DPP10: variants seen among roughly 807,000 people sequenced by gnomAD.
DPP10 encodes inactive dipeptidyl peptidase 10.
Under a neutral mutation model 120.9 loss-of-function variants are expected in DPP10, and 33 were observed. That is an observed-to-expected ratio of 0.27 (90% CI 0.21 to 0.37). The LOEUF is 0.37. DPP10 is among the 10% of genes least tolerant of loss of function. The pLI is 1.00. For missense variants in DPP10, 816 were observed against 942.8 expected (o/e 0.87, Z 1.76); for synonymous variants, 337 against 326.1 (o/e 1.03, Z -0.36).
intron 3 of DPP10, among the ~76,000 whole-genome samples, chr2:115,426,613 A>G (rs866821801): frequency 3.4e-4 from 50 of 148,428 alleles, no homozygotes; most frequent in Middle Eastern, 3.3e-3. Flanking sequence ...ACATTTCAAC[A>G]TGAGATTCTC....
At chr2:114,881,594 GTCTGTCTATCTATCTATCTA>G (rs1157381539) in intron 1 of DPP10, among the ~76,000 whole-genome samples, 13 of 96,334 alleles carry the variant, frequency 1.3e-4, no homozygotes, top group Admixed American at 6.9e-4. Flanking sequence ...CTGTCTGTCT[GTCTGTCTATCTATCTATCTA>G]TCTATCTATC....
intron 1 of DPP10, among the ~76,000 whole-genome samples, chr2:114,540,594 CCA>C (rs1261222108): frequency 6.6e-6 from 1 of 152,156 alleles, no homozygotes; most frequent in Non-Finnish European, 1.5e-5. Context: ...TCAGATGGAG[CCA>C]CACTAAATAT....
At chr2:115,652,945 G>A (rs1260101083) in intron 5 of DPP10, among the ~76,000 whole-genome samples, 2 of 151,894 alleles carry the variant, frequency 1.3e-5, no homozygotes, top group Non-Finnish European at 2.9e-5. Context: ...AATTCATTAT[G>A]GCAATTTCAA....
intron 1 of DPP10, among the ~76,000 whole-genome samples, chr2:114,955,497 G>A (rs1214157318): frequency 6.6e-6 from 1 of 152,154 alleles, no homozygotes; most frequent in Non-Finnish European, 1.5e-5. Context: ...CAGCTTCACA[G>A]CCGAATTCTA....
intron 2 of DPP10, chr2:115,342,043 C>T (rs1017488015): frequency 2.4e-6 from 1 of 410,438 alleles, no homozygotes; most frequent in African/African-American, 2.1e-5. Context: ...AGTGACTGTA[C>T]CATTTTGCAT....
intron 1 of DPP10, among the ~76,000 whole-genome samples, chr2:115,278,814 C>G (rs2060022437): frequency 6.6e-6 from 1 of 152,070 alleles, no homozygotes; most frequent in African/African-American, 2.4e-5. Context: ...ATATTGGGGT[C>G]AAATTTCAAC....
At chr2:115,078,605 G>C (rs1707986514) in intron 1 of DPP10, among the ~76,000 whole-genome samples, 1 of 152,134 alleles carries the variant, frequency 6.6e-6, no homozygotes, top group Non-Finnish European at 1.5e-5. Flanking sequence ...AATACGTAGA[G>C]TCTATAAAGG....
At chr2:114,593,744 C>T (rs1028933350) in intron 1 of DPP10, among the ~76,000 whole-genome samples, 1 of 152,106 alleles carries the variant, frequency 6.6e-6, no homozygotes, top group African/African-American at 2.4e-5. Flanking sequence ...CCAGAGGAAG[C>T]CTTGCTTTGT....
Position 115,085,574 on chromosome 2 carries a change from C to A in DPP10, c.61-223665C>A, listed in dbSNP as rs540011169. On this transcript the variant is annotated intron_variant, in intron 1 of 25. Coordinates refer to ENST00000410059, the MANE Select transcript of DPP10 (RefSeq NM_020868.6). ...TAATAAAATAACACTTTTGAAAAAG[C>A]CAAATTTCAAACTGGAAAATCAGAA... Among the ~76,000 whole-genome samples, 22 of 152,174 alleles carry A rather than the reference C, an allele frequency of 1.4e-4. No individual in the cohort carries two copies. The South Asian group carries it at 4.6e-3, about 32-fold the overall frequency.
chr2:114,958,699 T>C (rs1698391597), intron 1 of DPP10, among the ~76,000 whole-genome samples: 1 of 152,210 alleles, frequency 6.6e-6, no homozygotes, highest in Admixed American at 6.5e-5. Flanking sequence ...TGGTATATTA[T>C]TGATGGTGTC....
chr2:114,537,389 C>A (rs1258864777), intron 1 of DPP10, among the ~76,000 whole-genome samples: 1 of 151,922 alleles, frequency 6.6e-6, no homozygotes, highest in Non-Finnish European at 1.5e-5. Flanking sequence ...GAAAAAAAAA[C>A]AGTTGTTCTT....
rs561784178 is a variant in DPP10, at chr2:115,706,669, G to A, written c.576+16748G>A. 3.3e-5 allele frequency among the ~76,000 whole-genome samples: 5 copies of A among 152,082 alleles called. No individual in the cohort carries two copies. In the South Asian group the frequency reaches 8.3e-4, roughly 25 times the overall value. On this transcript the variant is annotated intron_variant, in intron 7 of 25. Coordinates refer to ENST00000410059, the MANE Select transcript of DPP10 (RefSeq NM_020868.6). ...AGACAGGGTTAACCTAGAGTGATAT[G>A]TCAAGTTTCATTTGATCAGCAGTCT...
At chr2:114,549,213 C>G (rs891401395) in intron 1 of DPP10, among the ~76,000 whole-genome samples, 1 of 151,836 alleles carries the variant, frequency 6.6e-6, no homozygotes, top group Admixed American at 6.6e-5. Flanking sequence ...GCTTCTTTCT[C>G]GGTGTCGTAT....
At position 115,595,578 on chromosome 2, in the gene DPP10, GA is replaced by G. The variant is rs765207819; in HGVS notation, c.441+69612del. ...TTTTGATATTAATGTTTAATTTATAGAAAAAATGAAATAATTCCCTTTAAAT... is the reference window on the plus strand; with the variant it reads ...TTTTGATATTAATGTTTAATTTATAGAAAAATGAAATAATTCCCTTTAAAT... On this transcript the variant is annotated intron_variant, in intron 5 of 25. Coordinates refer to ENST00000410059, the MANE Select transcript of DPP10 (RefSeq NM_020868.6). Among the ~76,000 whole-genome samples the G allele has an allele frequency of 7.7e-4, 117 of 152,070 alleles. No homozygotes were observed. The Middle Eastern group carries it at 0.01, about 13-fold the overall frequency.
At chr2:115,784,214 G>A (rs1216277095) in intron 17 of DPP10, among the ~76,000 whole-genome samples, 2 of 152,112 alleles carry the variant, frequency 1.3e-5, no homozygotes, top group Admixed American at 1.3e-4. Context: ...TAATTACTTA[G>A]GGAGATAAAA....
intron 1 of DPP10, among the ~76,000 whole-genome samples, chr2:114,568,978 G>A (rs1689418900): frequency 2.0e-5 from 3 of 152,104 alleles, no homozygotes; most frequent in Admixed American, 6.5e-5. Context: ...CAGAACTGTA[G>A]GAGGTTTTAT....
At chr2:115,495,030 T>C (rs1247266937) in intron 3 of DPP10, among the ~76,000 whole-genome samples, 2 of 152,142 alleles carry the variant, frequency 1.3e-5, no homozygotes. Context: ...TTGTCGGATT[T>C]CAACTTCTCA....
intron 15 of DPP10, among the ~76,000 whole-genome samples, chr2:115,778,924 G>A (rs561261076): frequency 2.0e-5 from 3 of 152,076 alleles, no homozygotes; most frequent in East Asian, 1.9e-4. Context: ...TTTTGGATTC[G>A]GGATCTTGAT....
chr2:115,644,746 G>A (rs1301261882), intron 5 of DPP10, among the ~76,000 whole-genome samples: 1 of 152,074 alleles, frequency 6.6e-6, no homozygotes, highest in East Asian at 1.9e-4. Context: ...TTGAGCCACT[G>A]CACTCCAGCC....
Sources: allele counts gnomAD v4.1 joint callset (sites outside exome capture counted in the v4.1 genomes callset), GRCh38; gene constraint gnomAD v4.1.1; transcripts MANE v1.5; gene names NCBI Gene and HGNC (gene_info 2026-07-23, HGNC 2026-07-21).